MACROD2: variants seen among roughly 807,000 people sequenced by gnomAD.
The protein encoded by MACROD2 is ADP-ribose glycohydrolase MACROD2.
Under a neutral mutation model 70.4 loss-of-function variants are expected in MACROD2, and 36 were observed. The ratio of observed to expected loss-of-function variants is 0.51; its 90% confidence interval spans 0.39 to 0.68. MACROD2 has a LOEUF of 0.68. MACROD2 is among the 30% of genes least tolerant of loss of function. The pLI is 0.00. For synonymous variants in MACROD2, 172 were observed against 178.8 expected (o/e 0.96, Z 0.30); for missense variants, 496 against 538.4 (o/e 0.92, Z 0.78).
intron 5 of MACROD2, among the ~76,000 whole-genome samples, chr20:15,227,545 G>A (rs1182991045): frequency 2.0e-5 from 3 of 152,120 alleles, no homozygotes; most frequent in Non-Finnish European, 4.4e-5. Flanking sequence ...AGTGTTTGAT[G>A]TTTAGAAGCA....
intron 9 of MACROD2, among the ~76,000 whole-genome samples, chr20:15,870,912 C>T (rs2147180500): frequency 6.6e-6 from 1 of 152,248 alleles, no homozygotes; most frequent in South Asian, 2.1e-4. Flanking sequence ...GTCACAGTGG[C>T]TCACGCCTGC....
At chr20:15,931,214 C>T (rs2065571219) in intron 10 of MACROD2, among the ~76,000 whole-genome samples, 1 of 152,182 alleles carries the variant, frequency 6.6e-6, no homozygotes, top group Non-Finnish European at 1.5e-5. Flanking sequence ...TATTTCCTCC[C>T]TAGAGCAAAG....
chr20:14,658,443 C>T (rs952433505), intron 4 of MACROD2, among the ~76,000 whole-genome samples: 1 of 152,158 alleles, frequency 6.6e-6, no homozygotes, highest in Non-Finnish European at 1.5e-5. Flanking sequence ...CTTCTTTCAG[C>T]AGAGGAACTG....
intron 10 of MACROD2, among the ~76,000 whole-genome samples, chr20:15,916,817 AG>A (rs2147279584): frequency 6.6e-6 from 1 of 152,266 alleles, no homozygotes; most frequent in Admixed American, 6.5e-5. Context: ...CTACACTACA[AG>A]GGTAATCACT....
intron 7 of MACROD2, among the ~76,000 whole-genome samples, chr20:15,467,589 TCTC>T (rs2046911747): frequency 6.6e-6 from 1 of 152,186 alleles, no homozygotes; most frequent in African/African-American, 2.4e-5. Context: ...TTATTCCAAA[TCTC>T]CTTTTCTTTA....
At chr20:14,200,855 G>A (rs1204237459) in intron 3 of MACROD2, among the ~76,000 whole-genome samples, 1 of 150,716 alleles carries the variant, frequency 6.6e-6, no homozygotes, top group Non-Finnish European at 1.5e-5. Context: ...ATGCCTTTTT[G>A]CCTGTTTTTC....
At chr20:14,461,364 T>C (rs2084369049) in intron 3 of MACROD2, among the ~76,000 whole-genome samples, 1 of 152,056 alleles carries the variant, frequency 6.6e-6, no homozygotes. Context: ...TGTTAATCTT[T>C]TTAAAAAACC....
chr20:14,987,330 G>A (rs888493194), intron 5 of MACROD2, among the ~76,000 whole-genome samples: 4 of 152,110 alleles, frequency 2.6e-5, no homozygotes, highest in Non-Finnish European at 1.5e-5. Context: ...GGATAAAGCG[G>A]TTAACACAAT....
chr20:14,460,169 A>G (rs1169296832), intron 3 of MACROD2, among the ~76,000 whole-genome samples: 1 of 152,110 alleles, frequency 6.6e-6, no homozygotes, highest in East Asian at 1.9e-4. Flanking sequence ...TATTGTGAAT[A>G]GTGCTGCAAT....
At chr20:15,335,205 C>G (rs1402888171) in intron 6 of MACROD2, among the ~76,000 whole-genome samples, 1 of 151,776 alleles carries the variant, frequency 6.6e-6, no homozygotes, top group East Asian at 1.9e-4. Flanking sequence ...ACTTAGTTTG[C>G]TTAGTGACTT....
intron 5 of MACROD2, among the ~76,000 whole-genome samples, chr20:14,775,243 G>A (rs188217207): frequency 3.5e-4 from 54 of 152,162 alleles, no homozygotes; most frequent in African/African-American, 1.1e-3. Context: ...TAGCTAACGC[G>A]GTGGGCTTAG....
chr20:14,140,007 G>A (rs1377011704), intron 3 of MACROD2, among the ~76,000 whole-genome samples: 1 of 152,118 alleles, frequency 6.6e-6, no homozygotes, highest in Non-Finnish European at 1.5e-5. Flanking sequence ...CCATCCCCAA[G>A]ATATCTCATT....
At chr20:15,475,302 C>CAAGGT (rs1310095904) in intron 7 of MACROD2, among the ~76,000 whole-genome samples, 4 of 152,152 alleles carry the variant, frequency 2.6e-5, no homozygotes, top group Non-Finnish European at 5.9e-5. Context: ...CTCACCATCC[C>CAAGGT]ACCACTACAA....
rs1286032553 is a variant in MACROD2 at position 14,391,391 on chromosome 20, G to A, written c.272-102088G>A. Among the ~76,000 whole-genome samples the A allele has an allele frequency of 2.0e-5, 3 of 152,140 alleles. No individual in the cohort carries two copies. The East Asian group carries it at 5.8e-4, about 29-fold the overall frequency. On this transcript the variant is annotated intron_variant, in intron 3 of 17. Transcript: ENST00000684519. ...AGAAGCAGAAAACCAAATGCCTCAAGTTGTCACTTATAAGTGGGAACTAAA... is the reference window on the plus strand; with the variant it reads ...AGAAGCAGAAAACCAAATGCCTCAAATTGTCACTTATAAGTGGGAACTAAA...
chr20:14,359,644 G>A (rs1423410664), intron 3 of MACROD2, among the ~76,000 whole-genome samples: 2 of 152,170 alleles, frequency 1.3e-5, no homozygotes, highest in African/African-American at 4.8e-5. Flanking sequence ...AGGTCAAGGG[G>A]CAGGATTGCT....
chr20:14,675,195 T>A (rs1175769827), intron 4 of MACROD2, among the ~76,000 whole-genome samples: 1 of 152,060 alleles, frequency 6.6e-6, no homozygotes, highest in Non-Finnish European at 1.5e-5. Context: ...ATTCAGGAAA[T>A]ACAGGGAACA....
chr20:14,673,853 G>A, intron 4 of MACROD2, among the ~76,000 whole-genome samples: 1 of 150,354 alleles, frequency 6.7e-6, no homozygotes, highest in Non-Finnish European at 1.5e-5. Flanking sequence ...CTGGGAGGTG[G>A]AGGTTGCAGT....
intron 3 of MACROD2, among the ~76,000 whole-genome samples, chr20:14,433,942 C>T (rs970010997): frequency 1.3e-5 from 2 of 151,992 alleles, no homozygotes; most frequent in African/African-American, 4.8e-5. Flanking sequence ...TAATATGGCA[C>T]AAAATAAACA....
chr20:15,147,371 G>T (rs1368210888), intron 5 of MACROD2, among the ~76,000 whole-genome samples: 1 of 151,930 alleles, frequency 6.6e-6, no homozygotes, highest in Non-Finnish European at 1.5e-5. Context: ...GAAATATGGG[G>T]AAACATTATT....
Sources: allele counts gnomAD v4.1 joint callset (sites outside exome capture counted in the v4.1 genomes callset), GRCh38; gene constraint gnomAD v4.1.1; transcripts MANE v1.5; gene names NCBI Gene and HGNC (gene_info 2026-07-23, HGNC 2026-07-21).